Variants in GNPTAB observed in about 807,000 individuals in gnomAD.
GNPTAB encodes N-acetylglucosamine-1-phosphotransferase subunits alpha/beta.
A neutral mutation model predicts 136.6 loss-of-function variants in GNPTAB; 92 were observed. The ratio of observed to expected loss-of-function variants is 0.67; its 90% CI spans 0.57 to 0.80. The LOEUF is 0.80. Ranked by LOEUF, GNPTAB falls within the 30% of genes least tolerant of loss-of-function variation. GNPTAB has a pLI of 0.00. For missense variants in GNPTAB, 1,343 were observed against 1,501.8 expected, an observed-to-expected ratio of 0.89 and a Z score of 1.75; for synonymous variants, 512 against 535.1, an observed-to-expected ratio of 0.96 and a Z score of 0.60.
Position 101,761,773 on chromosome 12 carries a change from GA to G in GNPTAB, c.2716-11del. ...TCAATGACTCTTCTTCCTGAAAAGA[GA>G]ATTCTACATGTAACTCAGCATTATG... is the stretch of plus-strand genomic sequence containing the variant. On this transcript the variant is annotated splice_polypyrimidine_tract_variant and intron_variant, in intron 13 of 20. Coordinates refer to ENST00000299314, the MANE Select transcript of GNPTAB (RefSeq NM_024312.5). 1 of 1,586,370 alleles carries G rather than the reference GA, an allele frequency of 6.3e-7. No individual in the cohort carries two copies. The highest frequency in any genetic ancestry group is 8.7e-7 in the Non-Finnish European group (1 of 1,156,058).
chr12:101,819,887 T>A (rs902133475), intron 1 of GNPTAB, among the ~76,000 whole-genome samples: 61 of 152,254 alleles, frequency 4.0e-4, no homozygotes, highest in African/African-American at 1.4e-3. Flanking sequence ...CAGTACAAGC[T>A]ATATTAAATA....
chr12:101,769,952 T>A, intron 10 of GNPTAB, 69 bp downstream of exon 10: 1 of 1,377,048 alleles, frequency 7.3e-7, no homozygotes. Flanking sequence ...TACAGTAGTA[T>A]GTGCACTCAT....
chr12:101,803,998 G>A (rs1869794393), intron 1 of GNPTAB, among the ~76,000 whole-genome samples: 1 of 152,004 alleles, frequency 6.6e-6, no homozygotes. Context: ...TTGGGAGGCC[G>A]AGGTGGGAGG....
At chr12:101,827,827 G>A (rs1026494370) in intron 1 of GNPTAB, among the ~76,000 whole-genome samples, 11 of 152,166 alleles carry the variant, frequency 7.2e-5, no homozygotes, top group East Asian at 1.9e-4. Context: ...TTAGTCTAGC[G>A]TGATGGCGGG....
At chr12:101,817,162 T>C (rs1213239773) in intron 1 of GNPTAB, among the ~76,000 whole-genome samples, 2 of 152,102 alleles carry the variant, frequency 1.3e-5, no homozygotes, top group East Asian at 3.8e-4. Context: ...TTATTGTATA[T>C]TTCAAAATAG....
chr12:101,793,252 T>C (rs1232599630), intron 2 of GNPTAB, among the ~76,000 whole-genome samples: 3 of 152,184 alleles, frequency 2.0e-5, no homozygotes, highest in South Asian at 2.1e-4. Flanking sequence ...ATGTAAATTA[T>C]CCAAGGTCAT....
rs4764816 is a variant in GNPTAB at position 101,779,876 on chromosome 12, T to C, written c.771+276A>G. On this transcript the variant is annotated intron_variant, in intron 7 of 20. Transcript: ENST00000299314. ...TCTGATCTCGGAAGCTAAGCAGGGT[T>C]GGGCCTGGTTACTACTTGGATGGGA... 0.6 allele frequency: 274,846 copies of C among 456,384 alleles called. 86,310 individuals carry two copies. The highest frequency in any genetic ancestry group is 0.93 in the East Asian group (20,438 of 22,094). 28.3% of individuals were successfully genotyped at this position (456,384 alleles called of 1,614,324 possible). A position where few individuals can be genotyped will look rare whatever the true frequency, so the allele number is the denominator to read the frequency against.
Position 101,753,023 on chromosome 12 carries a change from C to T in GNPTAB, c.3602+349G>A, listed in dbSNP as rs555293472. Among the ~76,000 whole-genome samples the T allele has an allele frequency of 1.8e-4, 28 of 152,092 alleles. 1 individual carries two copies. The highest frequency in any genetic ancestry group is 6.2e-4 in the South Asian group (3 of 4,820). On this transcript the variant is annotated intron_variant, in intron 19 of 20. Coordinates refer to ENST00000299314, the MANE Select transcript of GNPTAB (RefSeq NM_024312.5). The stretch of plus-strand genomic sequence containing the variant: ...ATCCCAGCACTTTGGGAGGCTGAGG[C>T]GGGCGGATCACCTGAGGTCAGGAGT...
At chr12:101,754,319 C>T (rs148721778) in intron 18 of GNPTAB, among the ~76,000 whole-genome samples, 52 of 151,940 alleles carry the variant, frequency 3.4e-4, no homozygotes, top group African/African-American at 1.2e-3. Flanking sequence ...CCCAGCTACT[C>T]GAGAGGCTGA....
In GNPTAB at chr12:101,764,595, G is replaced by C; in HGVS notation, c.2322C>G (p.Ile774Met). 6.2e-7 allele frequency: 1 copy of C among 1,614,074 alleles called. No homozygotes were observed. The highest frequency in any genetic ancestry group is 8.5e-7 in the Non-Finnish European group (1 of 1,179,994). ...CAGACACTCCTAAGCTGTTTGGCAAGATGCTTTTATGAACCTGTTTTTCCT... is the reference window on the plus strand; with the variant it reads ...CAGACACTCCTAAGCTGTTTGGCAACATGCTTTTATGAACCTGTTTTTCCT... ...APQEKQVHKSILPNSLGVSER... is the reference protein window; with the variant it reads ...APQEKQVHKSMLPNSLGVSER... The change falls in exon 13 of 21, where the codon ATC becomes ATG. Residue 774 changes from isoleucine to methionine, a missense_variant. Transcript: ENST00000299314.
rs1386201481 is a variant in GNPTAB, at chr12:101,780,693, T to C, written c.572-72A>G. ...AACTATGGTGTCTGGCAGAACACTGTGAAAACATTCTGAGAGCTATTAAAG... is the reference window on the plus strand; with the variant it reads ...AACTATGGTGTCTGGCAGAACACTGCGAAAACATTCTGAGAGCTATTAAAG... On this transcript the variant is annotated intron_variant, in intron 5 of 20. Coordinates refer to ENST00000299314, the MANE Select transcript of GNPTAB (RefSeq NM_024312.5). 4.9e-6 allele frequency: 5 copies of C among 1,018,100 alleles called. No homozygotes were observed. The East Asian group carries it at 1.2e-4, about 24-fold the overall frequency. 63.1% of individuals were successfully genotyped at this position (1,018,100 alleles called of 1,614,324 possible).
Position 101,761,277 on chromosome 12 carries a change from G to A in GNPTAB, c.2985C>T (p.Phe995=), listed in dbSNP as rs1952988831. The A allele has an allele frequency of 6.2e-7, 1 of 1,614,122 alleles. No homozygotes were observed. Among genetic ancestry groups the A allele is most frequent in the Non-Finnish European group, 8.5e-7 (1 of 1,180,014 alleles). The change falls in exon 15 of 21, where the codon TTC becomes TTT. Residue 995 remains phenylalanine, a synonymous_variant. Transcript: ENST00000299314. ...CACTCATGAGATAATAAAAATAAGA[G>A]AAGGCAAACTGCATATCCTCAGAAT... ...VRHSEDMQFA[F]SYFYYLMSAV... is the part of the protein sequence containing the mutation.
chr12:101,763,440 A>G (rs1291430484), intron 13 of GNPTAB, among the ~76,000 whole-genome samples: 1 of 151,732 alleles, frequency 6.6e-6, no homozygotes, highest in Admixed American at 6.6e-5. Context: ...TATTCAGCCC[A>G]GACTGTATGA....
rs1319799168 is a variant in GNPTAB, at chr12:101,780,264, C to T, written c.659G>A (p.Gly220Glu). ...GYLTTDKEVPGLVLMQDLAFL... is the reference protein window; with the variant it reads ...GYLTTDKEVPELVLMQDLAFL... Reference sequence around the variant, plus strand: ...AGCCAAATCTTGCATTAGCACTAATCCAGGGACTTCTTTATCTGTTGTCTA... The same window carrying T: ...AGCCAAATCTTGCATTAGCACTAATTCAGGGACTTCTTTATCTGTTGTCTA... Residue 220 changes from glycine to glutamate, a missense_variant, in exon 7 of 21, where the codon GGA (glycine) becomes GAA (glutamate). Coordinates refer to ENST00000299314, the MANE Select transcript of GNPTAB (RefSeq NM_024312.5). The T allele has an allele frequency of 1.2e-6, 2 of 1,613,652 alleles. No individual in the cohort carries two copies. The highest frequency in any genetic ancestry group is 3.3e-5 in the Admixed American group (2 of 60,006).
At chr12:101,772,611 T>C (rs1953194161) in intron 7 of GNPTAB, among the ~76,000 whole-genome samples, 1 of 152,144 alleles carries the variant, frequency 6.6e-6, no homozygotes, top group South Asian at 2.1e-4. Context: ...CTCACTAAGT[T>C]GGTTCTCACT....
intron 11 of GNPTAB, 34 bp from the exon 12 acceptor site, chr12:101,766,328 G>T: frequency 6.4e-7 from 1 of 1,570,294 alleles, no homozygotes; most frequent in Non-Finnish European, 8.8e-7. Context: ...GATTCTTGCT[G>T]TAATTACAAT....
chr12:101,822,436 G>GA (rs1157166163), intron 1 of GNPTAB, among the ~76,000 whole-genome samples: 1 of 152,090 alleles, frequency 6.6e-6, no homozygotes, highest in Admixed American at 6.5e-5. Flanking sequence ...AAGAAAGAAA[G>GA]AATAAGCTCT....
intron 1 of GNPTAB, among the ~76,000 whole-genome samples, chr12:101,807,827 G>A (rs1870010883): frequency 6.6e-6 from 1 of 152,084 alleles, no homozygotes; most frequent in African/African-American, 2.4e-5. Context: ...CTACTCAGTG[G>A]ACTGAGGCAC....
rs374600127 is a variant in GNPTAB at position 101,764,769 on chromosome 12, C to G, written c.2148G>C (p.Leu716Phe). 34 of 1,614,184 alleles carry G rather than the reference C, an allele frequency of 2.1e-5. No homozygotes were observed. The African/African-American group carries it at 2.8e-4, about 13-fold the overall frequency. The change falls in exon 13 of 21, where the codon TTG becomes TTC. Residue 716 changes from leucine (L) to phenylalanine (F), a missense_variant. Leu to Phe is a conservative substitution (Grantham distance 22). Transcript: ENST00000299314. Reference protein sequence around the residue: ...DAQLSLNTLDLQLEHGDITLK... With the variant: ...DAQLSLNTLDFQLEHGDITLK... ...AAGTGATGTCTCCATGTTCCAGTTGCAAATCCAAGGTATTGAGACTCAACT... is the reference window on the plus strand; with the variant it reads ...AAGTGATGTCTCCATGTTCCAGTTGGAAATCCAAGGTATTGAGACTCAACT...
Sources: gnomAD v4.1 joint callset for allele counts (sites outside exome capture counted in the v4.1 genomes callset) on GRCh38, gnomAD v4.1.1 for gene constraint, MANE v1.5 for transcripts, NCBI Gene and HGNC (gene_info 2026-07-23, HGNC 2026-07-21) for gene names.